The following PDE8B variants were observed in gnomAD, a reference collection of about 807,000 sequenced individuals.
The protein encoded by PDE8B is high affinity cAMP-specific and IBMX-insensitive 3',5'-cyclic phosphodiesterase 8B.
PDE8B carries 26 observed loss-of-function variants against 101.3 expected under a neutral mutation model. That is an observed-to-expected ratio of 0.26 (90% confidence interval 0.19 to 0.36). The LOEUF (loss-of-function observed/expected upper bound fraction) is 0.36. Among genes scored for constraint, PDE8B ranks in the 10% least tolerant of loss-of-function variants. PDE8B has a pLI of 1.00. For synonymous variants in PDE8B, 424 were observed against 429.3 expected (o/e 0.99, Z 0.15); for missense variants, 810 against 1,163.1 (o/e 0.70, Z 4.42).
chr5:77,153,481 G>T, the PDE8B span, among the ~76,000 whole-genome samples: 5 of 152,004 alleles, frequency 3.3e-5, no homozygotes, highest in Non-Finnish European at 7.4e-5. Flanking sequence ...TAGGGGGAGG[G>T]CTGGGGATAG....
intron 5 of PDE8B, among the ~76,000 whole-genome samples, chr5:77,332,119 A>G (rs1374339182): frequency 6.6e-6 from 1 of 152,198 alleles, no homozygotes; most frequent in African/African-American, 2.4e-5. Context: ...GATAGAATGG[A>G]CTTAAAAGAG....
At chr5:77,423,464 CTAATT>C (rs143871827) in intron 20 of PDE8B, among the ~76,000 whole-genome samples, 1,673 of 152,134 alleles carry the variant, frequency 0.011, 29 homozygotes, top group African/African-American at 0.037. Flanking sequence ...GCTAGCTGAT[CTAATT>C]TATTTCTCAC....
At chr5:77,347,220 G>T (rs950497240) in intron 7 of PDE8B, among the ~76,000 whole-genome samples, 1 of 152,192 alleles carries the variant, frequency 6.6e-6, no homozygotes, top group Non-Finnish European at 1.5e-5. Context: ...ATTTCTTAAA[G>T]CAATCCTGTG....
At chr5:77,387,090 A>T (rs1292860023) in intron 10 of PDE8B, among the ~76,000 whole-genome samples, 48 of 151,396 alleles carry the variant, frequency 3.2e-4, no homozygotes, top group Admixed American at 2.8e-3. Context: ...TCACCTTGTT[A>T]GCCAGGATGG....
chr5:77,213,762 T>C (rs894978020), intron 1 of PDE8B, among the ~76,000 whole-genome samples: 1 of 152,026 alleles, frequency 6.6e-6, no homozygotes, highest in Non-Finnish European at 1.5e-5. Context: ...CCTCATTATC[T>C]ACTTGGCCTC....
At chr5:77,368,546 C>T (rs1242475337) in intron 10 of PDE8B, among the ~76,000 whole-genome samples, 1 of 152,206 alleles carries the variant, frequency 6.6e-6, no homozygotes, top group Non-Finnish European at 1.5e-5. Flanking sequence ...GCTGCACTTG[C>T]TGGCTGCGTC....
intron 2 of PDE8B, among the ~76,000 whole-genome samples, chr5:77,316,221 T>C (rs1773738667): frequency 6.6e-6 from 1 of 152,186 alleles, no homozygotes; most frequent in Non-Finnish European, 1.5e-5. Context: ...CTTTTAGTGG[T>C]TACCCTGAAA....
At chr5:77,144,554 G>T in the PDE8B span, 1 of 151,818 alleles carries the variant, frequency 6.6e-6, no homozygotes, top group South Asian at 2.1e-4. Flanking sequence ...GGAAATGTTT[G>T]TATGAAGACT....
At chr5:77,183,123 A>ATTG in the PDE8B span, among the ~76,000 whole-genome samples, 2 of 130,312 alleles carry the variant, frequency 1.5e-5, no homozygotes, top group Non-Finnish European at 3.0e-5. Context: ...TATTATTATT[A>ATTG]TTATTAATTA....
At chr5:77,120,015 A>AAAC in the PDE8B span, among the ~76,000 whole-genome samples, 22 of 152,152 alleles carry the variant, frequency 1.4e-4, no homozygotes, top group Middle Eastern at 3.4e-3. Flanking sequence ...AAACAAAACA[A>AAAC]AACAAAAACT....
chr5:77,288,890 C>T (rs1766652620), intron 1 of PDE8B, among the ~76,000 whole-genome samples: 1 of 150,400 alleles, frequency 6.6e-6, no homozygotes, highest in South Asian at 2.1e-4. Flanking sequence ...GACCTACATC[C>T]CAGCTTTAGT....
At chr5:77,134,025 G>C in the PDE8B span, among the ~76,000 whole-genome samples, 660 of 152,280 alleles carry the variant, frequency 4.3e-3, 7 homozygotes, top group African/African-American at 0.015. Flanking sequence ...ACCTGGGGCC[G>C]ATCTGTAGTC....
At chr5:77,235,813 G>GA (rs11422456) in intron 1 of PDE8B, among the ~76,000 whole-genome samples, 26,051 of 134,328 alleles carry the variant, frequency 0.19, 2,639 homozygotes, top group African/African-American at 0.3. Context: ...AGTTACAGCA[G>GA]AAAAAAAAAC....
At chr5:77,164,701 C>T in the PDE8B span, among the ~76,000 whole-genome samples, 1 of 152,164 alleles carries the variant, frequency 6.6e-6, no homozygotes, top group Non-Finnish European at 1.5e-5. Flanking sequence ...TTGGAGTTAA[C>T]AGGATTCACC....
chr5:77,313,406 A>G (rs1773121940), intron 2 of PDE8B, among the ~76,000 whole-genome samples: 1 of 152,238 alleles, frequency 6.6e-6, no homozygotes, highest in African/African-American at 2.4e-5. Context: ...TAGAATACAA[A>G]CAAATGGAAA....
the PDE8B span, among the ~76,000 whole-genome samples, chr5:77,123,538 G>A: frequency 1.5e-4 from 23 of 151,856 alleles, no homozygotes; most frequent in Admixed American, 2.0e-4. Flanking sequence ...TGGGTAGATC[G>A]CTTGAGCCCA....
At chr5:77,370,098 CT>C (rs1323997600) in intron 10 of PDE8B, among the ~76,000 whole-genome samples, 5 of 152,194 alleles carry the variant, frequency 3.3e-5, no homozygotes, top group Non-Finnish European at 5.9e-5. Context: ...TCTATTAGTA[CT>C]TTTCCTCCTA....
At position 77,347,483 on chromosome 5, in the gene PDE8B, A is replaced by G. The variant is rs1013780685; in HGVS notation, c.877-1936A>G. Among the ~76,000 whole-genome samples the G allele has an allele frequency of 7.2e-5, 11 of 152,208 alleles. No individual in the cohort carries two copies. The East Asian group carries it at 2.1e-3, about 29-fold the overall frequency. On this transcript the variant is annotated intron_variant, in intron 7 of 21. Transcript: ENST00000264917. ...GGGAAGGCAGAATGAACACACATGA[A>G]AAGGTATGAGAATATGGCTAACAAA...
chr5:77,120,830 C>G, the PDE8B span, among the ~76,000 whole-genome samples: 5 of 152,230 alleles, frequency 3.3e-5, no homozygotes, highest in African/African-American at 1.2e-4. Context: ...AAACATTTAT[C>G]TGTTGGCTTC....
Sources: gnomAD v4.1 joint callset for allele counts (sites outside exome capture counted in the v4.1 genomes callset) on GRCh38, gnomAD v4.1.1 for gene constraint, MANE v1.5 for transcripts, NCBI Gene and HGNC (gene_info 2026-07-23, HGNC 2026-07-21) for gene names.